CNBD1: variants seen among roughly 807,000 people sequenced by gnomAD.
CNBD1 encodes cyclic nucleotide-binding domain-containing protein 1.
Under a neutral mutation model 54.4 loss-of-function variants are expected in CNBD1, and 71 were observed. The observed-to-expected ratio is 1.30, with a 90% CI of 1.08 to 1.59. CNBD1 has a LOEUF of 1.59. Among genes scored for constraint, CNBD1 ranks in the 40% most tolerant of loss-of-function variants. The probability of loss-of-function intolerance (pLI) is 0.00; values close to 1 mark genes in which losing one functional copy is unlikely to be tolerated. For missense variants in CNBD1, 659 were observed against 518.0 expected (o/e 1.27, Z -2.64); for synonymous variants, 182 against 170.7 (o/e 1.07, Z -0.51).
intron 5 of CNBD1, among the ~76,000 whole-genome samples, chr8:87,235,709 A>G (rs1563518498): frequency 2.0e-5 from 3 of 152,200 alleles, no homozygotes; most frequent in Admixed American, 2.0e-4. Flanking sequence ...TATTGTGAGA[A>G]TTACCAAAAT....
intron 5 of CNBD1, among the ~76,000 whole-genome samples, chr8:87,221,539 A>C (rs1814339412): frequency 6.6e-6 from 1 of 152,030 alleles, no homozygotes; most frequent in South Asian, 2.1e-4. Context: ...ATCCATCATA[A>C]ATGCTTCTTT....
intron 2 of CNBD1, among the ~76,000 whole-genome samples, chr8:86,891,046 C>A (rs1034145951): frequency 1.3e-5 from 2 of 151,482 alleles, no homozygotes; most frequent in Non-Finnish European, 2.9e-5. Context: ...TAGGTTGTTT[C>A]TTCACTTCGT....
chr8:87,386,202 G>A (rs768381577), downstream of CNBD1, among the ~76,000 whole-genome samples: 13 of 152,144 alleles, frequency 8.5e-5, no homozygotes, highest in African/African-American at 2.2e-4. Context: ...AAAAATCAGA[G>A]CACCTCTCCT....
chr8:87,342,591 C>G (rs1213122462), intron 8 of CNBD1, among the ~76,000 whole-genome samples: 1 of 151,990 alleles, frequency 6.6e-6, no homozygotes, highest in Non-Finnish European at 1.5e-5. Flanking sequence ...AAGTGTCAGC[C>G]AGTCTGAGAA....
At chr8:87,303,443 G>C (rs978062127) in intron 8 of CNBD1, among the ~76,000 whole-genome samples, 6 of 151,698 alleles carry the variant, frequency 4.0e-5, no homozygotes, top group Non-Finnish European at 7.4e-5. Flanking sequence ...TATGTAGAAA[G>C]CTGAAACTGA....
intron 4 of CNBD1, among the ~76,000 whole-genome samples, chr8:87,145,548 AATG>A (rs1234796627): frequency 3.3e-5 from 5 of 152,174 alleles, no homozygotes; most frequent in African/African-American, 1.2e-4. Context: ...ATAAAGTAAT[AATG>A]ATAAGTATGA....
intron 4 of CNBD1, among the ~76,000 whole-genome samples, chr8:87,013,931 C>G (rs1398881219): frequency 6.6e-6 from 1 of 150,738 alleles, no homozygotes; most frequent in Non-Finnish European, 1.5e-5. Context: ...TAACTACTGC[C>G]TAGGGTGATG....
chr8:87,128,631 G>A lies in CNBD1; in HGVS notation c.432-77362G>A, dbSNP rs75663447. Among the ~76,000 whole-genome samples the A allele has an allele frequency of 6.5e-3, 991 of 152,116 alleles. 16 individuals are homozygous for A. The highest frequency in any genetic ancestry group is 0.023 in the African/African-American group (936 of 41,490). On this transcript the variant is annotated intron_variant, in intron 4 of 10. Coordinates refer to ENST00000518476, the MANE Select transcript of CNBD1 (RefSeq NM_173538.3). ...CTTTTCTGTTTCTATGAAGATAATC[G>A]TATAGTCTCTATTCTTTAGTTTGTT... is the stretch of plus-strand genomic sequence containing the variant.
At chr8:87,284,483 C>T (rs1265975613) in intron 6 of CNBD1, among the ~76,000 whole-genome samples, 195 bp from the exon 7 acceptor site, 20 of 152,040 alleles carry the variant, frequency 1.3e-4, no homozygotes, top group Admixed American at 1.2e-3. Context: ...TTCTTCATGT[C>T]GGTGAAAAAG....
chr8:87,207,424 T>A (rs1031229981), intron 5 of CNBD1, among the ~76,000 whole-genome samples: 6 of 151,156 alleles, frequency 4.0e-5, no homozygotes, highest in Non-Finnish European at 8.9e-5. Context: ...AATAACACAT[T>A]TATGAAAAAA....
chr8:87,011,168 T>G (rs561468409), intron 4 of CNBD1, among the ~76,000 whole-genome samples: 1 of 150,172 alleles, frequency 6.7e-6, no homozygotes, highest in African/African-American at 2.4e-5. Context: ...AATGGATGTT[T>G]ATTAGAGTTT....
intron 4 of CNBD1, among the ~76,000 whole-genome samples, chr8:87,000,590 A>G (rs1317279378): frequency 1.3e-5 from 2 of 152,164 alleles, no homozygotes; most frequent in Non-Finnish European, 2.9e-5. Context: ...GATAACACTA[A>G]AAAAAGCACT....
At chr8:87,075,005 C>T in intron 4 of CNBD1, among the ~76,000 whole-genome samples, 1 of 152,162 alleles carries the variant, frequency 6.6e-6, no homozygotes, top group East Asian at 1.9e-4. Context: ...TACATAGCTT[C>T]TGTCTGTTTT....
At chr8:87,368,436 G>A (rs984630748) in intron 10 of CNBD1, among the ~76,000 whole-genome samples, 7 of 151,890 alleles carry the variant, frequency 4.6e-5, no homozygotes, top group South Asian at 2.1e-4. Flanking sequence ...AGGAGATGGA[G>A]ACTAGACTGG....
At chr8:87,294,315 A>G (rs926486011) in intron 8 of CNBD1, among the ~76,000 whole-genome samples, 15 of 152,200 alleles carry the variant, frequency 9.9e-5, no homozygotes, top group African/African-American at 2.4e-5. Flanking sequence ...CTGACAGTCT[A>G]TACATGTTGG....
chr8:87,044,038 G>GTGTCCT (rs1810129493), intron 4 of CNBD1, among the ~76,000 whole-genome samples: 2 of 152,116 alleles, frequency 1.3e-5, no homozygotes, highest in Admixed American at 6.5e-5. Flanking sequence ...GTCATTATTT[G>GTGTCCT]TGTCCTTTAT....
chr8:87,096,804 CTT>C (rs200048715), intron 4 of CNBD1, among the ~76,000 whole-genome samples: 28 of 145,718 alleles, frequency 1.9e-4, no homozygotes, highest in Admixed American at 4.1e-4. Flanking sequence ...TTTTTCTTCC[CTT>C]TTTTTTTTTT....
chr8:87,313,428 G>GT (rs1421063287), intron 8 of CNBD1, among the ~76,000 whole-genome samples: 20 of 151,954 alleles, frequency 1.3e-4, no homozygotes, highest in Admixed American at 1.1e-3. Flanking sequence ...AAGTACTGTG[G>GT]TCTCATATTT....
chr8:87,151,883 A>AT (rs1563488203), intron 4 of CNBD1, among the ~76,000 whole-genome samples: 1 of 152,104 alleles, frequency 6.6e-6, no homozygotes, highest in Non-Finnish European at 1.5e-5. Flanking sequence ...CAATGGGCAT[A>AT]TTTTTACCTT....
Sources: gnomAD v4.1 joint callset for allele counts (sites outside exome capture counted in the v4.1 genomes callset) on GRCh38, gnomAD v4.1.1 for gene constraint, MANE v1.5 for transcripts, NCBI Gene and HGNC (gene_info 2026-07-23, HGNC 2026-07-21) for gene names.